KCNJ3: variants seen among roughly 807,000 people sequenced by gnomAD.
The protein encoded by KCNJ3 is G protein-activated inward rectifier potassium channel 1.
Under a neutral mutation model 39.2 loss-of-function variants are expected in KCNJ3, and 4 were observed. That is an observed-to-expected ratio of 0.10 (90% confidence interval 0.05 to 0.23). The LOEUF is 0.23. Among genes scored for constraint, KCNJ3 ranks in the 10% least tolerant of loss-of-function variants. The pLI is 1.00. For synonymous variants in KCNJ3, 230 were observed against 237.4 expected (o/e 0.97, Z 0.29); for missense variants, 276 against 634.9 (o/e 0.43, Z 6.08).
At chr2:154,765,843 T>C (rs1686124525) in intron 2 of KCNJ3, among the ~76,000 whole-genome samples, 1 of 152,200 alleles carries the variant, frequency 6.6e-6, no homozygotes, top group Admixed American at 6.5e-5. Context: ...CAATGTCATA[T>C]CTTTGCAAAG....
intron 2 of KCNJ3, among the ~76,000 whole-genome samples, chr2:154,832,922 G>A (rs963981094): frequency 6.6e-6 from 1 of 152,054 alleles, no homozygotes; most frequent in Admixed American, 6.6e-5. Flanking sequence ...TAGGTGACTC[G>A]GCAAAATGTT....
intron 2 of KCNJ3, among the ~76,000 whole-genome samples, chr2:154,832,557 A>G (rs981081526): frequency 1.3e-5 from 2 of 152,194 alleles, no homozygotes; most frequent in East Asian, 3.9e-4. Context: ...TATTTTATAT[A>G]CTTAACCAAT....
Position 154,715,742 on chromosome 2 carries a change from T to A in KCNJ3, c.919+5923T>A, listed in dbSNP as rs529204613. ...GCTTTATTGTATAATCTATTGTTAA[T>A]CCCTTTCGTGTCAAGTTACTGATCT... is the stretch of plus-strand genomic sequence containing the variant. On this transcript the variant is annotated intron_variant, in intron 2 of 2. Transcript: ENST00000295101. Among the ~76,000 whole-genome samples, 416 of 149,602 alleles carry A rather than the reference T, an allele frequency of 2.8e-3. 3 individuals carry two copies. Among genetic ancestry groups the A allele is most frequent in the African/African-American group, 9.7e-3 (396 of 40,742 alleles).
intron 2 of KCNJ3, among the ~76,000 whole-genome samples, chr2:154,834,459 C>T (rs1198558586): frequency 3.3e-5 from 5 of 152,042 alleles, no homozygotes; most frequent in Non-Finnish European, 5.9e-5. Context: ...AGGCCGGGCA[C>T]GGTGGCTAAC....
At position 154,808,581 on chromosome 2, in the gene KCNJ3, T is replaced by C. The variant is rs79009350; in HGVS notation, c.920-46146T>C. Among the ~76,000 whole-genome samples the C allele has an allele frequency of 2.6e-5, 4 of 152,260 alleles. No individual in the cohort carries two copies. In the East Asian group the frequency reaches 7.7e-4, roughly 29 times the overall value. ...TGTTAGTTCCTTAGACCACCTTTGG[T>C]CCAGGTTGCCACCTAGTCTGAGTAC... On this transcript the variant is annotated intron_variant, in intron 2 of 2. Transcript: ENST00000295101.
At chr2:154,768,731 T>C (rs1328359612) in intron 2 of KCNJ3, among the ~76,000 whole-genome samples, 1 of 152,182 alleles carries the variant, frequency 6.6e-6, no homozygotes, top group African/African-American at 2.4e-5. Context: ...AATTAAGGCA[T>C]TGGTAGCTTG....
intron 2 of KCNJ3, among the ~76,000 whole-genome samples, chr2:154,721,807 T>C (rs1325896863): frequency 6.6e-6 from 1 of 152,186 alleles, no homozygotes; most frequent in African/African-American, 2.4e-5. Flanking sequence ...CTGTGATTCA[T>C]TGAGATGAAA....
At chr2:154,797,943 A>G (rs1277293800) in intron 2 of KCNJ3, among the ~76,000 whole-genome samples, 1 of 152,106 alleles carries the variant, frequency 6.6e-6, no homozygotes, top group Non-Finnish European at 1.5e-5. Flanking sequence ...TCTCTAAAGC[A>G]TATTCATTTT....
rs1314959259 is a variant in KCNJ3 at position 154,727,775 on chromosome 2, A to C, written c.919+17956A>C. On this transcript the variant is annotated intron_variant, in intron 2 of 2. Coordinates refer to ENST00000295101, the MANE Select transcript of KCNJ3 (RefSeq NM_002239.4). ...ATGTTAACTTTTAAAAATGGCGTTT[A>C]TAATAGTCTAATACCTGCGAGGTCA... Among the ~76,000 whole-genome samples, 2 of 151,796 alleles carry C rather than the reference A, an allele frequency of 1.3e-5. 1 individual carries two copies. Among genetic ancestry groups the C allele is most frequent in the South Asian group, 4.1e-4 (2 of 4,828 alleles).
chr2:154,746,067 C>T (rs1685736027), intron 2 of KCNJ3, among the ~76,000 whole-genome samples: 1 of 151,802 alleles, frequency 6.6e-6, no homozygotes, highest in Non-Finnish European at 1.5e-5. Context: ...GCTTATTCAA[C>T]TTGAACATGA....
intron 2 of KCNJ3, among the ~76,000 whole-genome samples, chr2:154,765,091 T>G (rs1228712337): frequency 6.6e-6 from 1 of 152,204 alleles, no homozygotes; most frequent in African/African-American, 2.4e-5. Context: ...CTATGCATTT[T>G]AGGTGTTTAG....
intron 2 of KCNJ3, among the ~76,000 whole-genome samples, chr2:154,843,957 G>A (rs1474690503): frequency 1.3e-5 from 2 of 152,186 alleles, no homozygotes; most frequent in Non-Finnish European, 2.9e-5. Flanking sequence ...ACTCGTCAAA[G>A]TCGTTCTCCA....
rs1167215515 is a variant in KCNJ3 at position 154,709,647 on chromosome 2, T to C, written c.747T>C (p.Leu249=). The change falls in exon 2 of 3, where the codon CTT becomes CTC. Residue 249 remains leucine (L), a synonymous_variant. Coordinates refer to ENST00000295101, the MANE Select transcript of KCNJ3 (RefSeq NM_002239.4). ...PEGEFLPLDQ[L]ELDVGFSTGA... ...GTGAGTTCCTTCCCCTTGACCAACT[T>C]GAACTGGATGTAGGTTTTAGTACAG... 1.2e-6 allele frequency: 2 copies of C among 1,613,830 alleles called. No individual in the cohort carries two copies. The highest frequency in any genetic ancestry group is 1.1e-5 in the South Asian group (1 of 91,084).
chr2:154,826,969 C>G (rs1687282651), intron 2 of KCNJ3, among the ~76,000 whole-genome samples: 1 of 152,012 alleles, frequency 6.6e-6, no homozygotes, highest in Non-Finnish European at 1.5e-5. Context: ...ATTTGGGGAC[C>G]TCTAGGCATC....
At chr2:154,733,555 A>C (rs1685478348) in intron 2 of KCNJ3, among the ~76,000 whole-genome samples, 1 of 152,228 alleles carries the variant, frequency 6.6e-6, no homozygotes. Context: ...GTCTCAGGTG[A>C]ATGAATGCTT....
chr2:154,819,106 G>C (rs1687128811), intron 2 of KCNJ3, among the ~76,000 whole-genome samples: 1 of 151,568 alleles, frequency 6.6e-6, no homozygotes, highest in South Asian at 2.1e-4. Flanking sequence ...AGACCAGCCT[G>C]AGAGACATAG....
At chr2:154,802,119 A>C (rs1321460153) in intron 2 of KCNJ3, among the ~76,000 whole-genome samples, 2 of 151,538 alleles carry the variant, frequency 1.3e-5, no homozygotes, top group Admixed American at 6.6e-5. Context: ...CTATATGTTT[A>C]TATATCTTTG....
rs1009343015 is a variant in KCNJ3 at position 154,856,886 on chromosome 2, G to A, written c.*1573G>A. On this transcript the variant is annotated 3_prime_UTR_variant, in exon 3 of 3. Transcript: ENST00000295101. ...TTCCTATAAAACTTCTTTAAGTATT[G>A]TAATTCCAGTCTGCCCCAACTTTAA... The A allele has an allele frequency of 2.6e-5, 4 of 152,046 alleles. No homozygotes were observed. Among genetic ancestry groups the A allele is most frequent in the African/African-American group, 9.7e-5 (4 of 41,412 alleles). The allele number at this position is 152,046 out of a possible 1,614,324, so 9.4% of individuals were successfully genotyped here. A position where few individuals can be genotyped will look rare whatever the true frequency, so the allele number is the denominator to read the frequency against.
At chr2:154,711,789 G>T (rs1194205163) in intron 2 of KCNJ3, among the ~76,000 whole-genome samples, 2 of 152,008 alleles carry the variant, frequency 1.3e-5, no homozygotes, top group Admixed American at 6.6e-5. Flanking sequence ...AGAGGATCAT[G>T]GTTAGTACAT....
Sources: gnomAD v4.1 joint callset for allele counts (sites outside exome capture counted in the v4.1 genomes callset) on GRCh38, gnomAD v4.1.1 for gene constraint, MANE v1.5 for transcripts, NCBI Gene and HGNC (gene_info 2026-07-23, HGNC 2026-07-21) for gene names.